H2BC3: variants seen among roughly 807,000 people sequenced by gnomAD.
H2BC3 encodes histone H2B type 1-B.
In H2BC3, 8 loss-of-function variants were observed where a neutral mutation model predicts 6.0. The ratio of observed to expected loss-of-function variants is 1.33; its 90% CI spans 0.78 to 2.40. The LOEUF (loss-of-function observed/expected upper bound fraction) is 2.40. Among genes scored for constraint, H2BC3 ranks in the 30% most tolerant of loss-of-function variants. The pLI, the probability that H2BC3 is intolerant of heterozygous loss-of-function variation, is 0.00. For missense variants in H2BC3, 222 were observed against 163.2 expected (o/e 1.36, Z -1.96); for synonymous variants, 122 against 66.2 (o/e 1.84, Z -4.09).
Position 26,043,425 on chromosome 6 carries a change from G to A in H2BC3, c.233C>T (p.Ala78Val). Residue 78 changes from alanine (A) to valine (V), a missense_variant, in exon 1 of 1, where the codon GCT becomes GTT. Coordinates refer to ENST00000615966, the MANE Select transcript of H2BC3 (RefSeq NM_021062.3). ...NDIFERIAGE[A>V]SRLAHYNKRS... ...CTTATTGTAGTGAGCCAGGCGAGAA[G>A]CCTCGCCCGCGATGCGCTCGAAGAT... 2 of 1,614,190 alleles carry A rather than the reference G, an allele frequency of 1.2e-6. No individual in the cohort carries two copies. Among genetic ancestry groups the A allele is most frequent in the Non-Finnish European group, 1.7e-6 (2 of 1,180,046 alleles).
Position 26,043,474 on chromosome 6 carries a change from T to C in H2BC3, c.184A>G (p.Ile62Val). The change falls in exon 1 of 1, where the codon ATC becomes GTC. Residue 62 changes from isoleucine to valine, a missense_variant. Coordinates refer to ENST00000615966, the MANE Select transcript of H2BC3 (RefSeq NM_021062.3). ...DTGISSKAMG[I>V]MNSFVNDIFE... ...ATGTCGTTGACGAAGGAATTCATGA[T>C]CCCCATGGCCTTGGATGAGATGCCG... The C allele has an allele frequency of 6.2e-7, 1 of 1,614,174 alleles. No homozygotes were observed. The highest frequency in any genetic ancestry group is 2.2e-5 in the East Asian group (1 of 44,860).
Position 26,043,618 on chromosome 6 carries a change from C to G in H2BC3, c.40G>C (p.Gly14Arg), listed in dbSNP as rs1180589631. ...GCCTTAGTGATAGCCTTCTTAGAAC[C>G]CTTTTTAGGGGCTGGAGCAGACTTA... The part of the protein sequence containing the change: ...PSKSAPAPKK[G>R]SKKAITKAQK... The change falls in exon 1 of 1, where the codon GGT becomes CGT. Residue 14 changes from glycine to arginine, a missense_variant. Coordinates refer to ENST00000615966, the MANE Select transcript of H2BC3 (RefSeq NM_021062.3). 6.2e-7 allele frequency: 1 copy of G among 1,612,632 alleles called. No individual in the cohort carries two copies. Among genetic ancestry groups the G allele is most frequent in the Non-Finnish European group, 8.5e-7 (1 of 1,179,358 alleles).
At position 26,043,475 on chromosome 6, in the gene H2BC3, C is replaced by A. The variant is rs748700936; in HGVS notation, c.183G>T (p.Gly61=). 1.9e-6 allele frequency: 3 copies of A among 1,614,186 alleles called. No individual in the cohort carries two copies. Among genetic ancestry groups the A allele is most frequent in the South Asian group, 1.1e-5 (1 of 91,080 alleles). The change falls in exon 1 of 1, where the codon GGG becomes GGT. Residue 61 remains glycine, a synonymous_variant. Coordinates refer to ENST00000615966, the MANE Select transcript of H2BC3 (RefSeq NM_021062.3). ...TGTCGTTGACGAAGGAATTCATGAT[C>A]CCCATGGCCTTGGATGAGATGCCGG... ...PDTGISSKAM[G]IMNSFVNDIF... is the part of the protein sequence containing the mutation.
In H2BC3 at chr6:26,043,682, A is replaced by T. The variant is rs190950786; in HGVS notation, c.-25T>A. On this transcript the variant is annotated 5_prime_UTR_variant, in exon 1 of 1. Coordinates refer to ENST00000615966, the MANE Select transcript of H2BC3 (RefSeq NM_021062.3). ...TTGCTATTCCTAAACAGAATAGAAA[A>T]GCTACTAACACTCTCCACTACAGAG... is the stretch of plus-strand genomic sequence containing the variant. The T allele has an allele frequency of 5.2e-4, 805 of 1,557,500 alleles. 4 individuals are homozygous for T. In the African/African-American group the frequency reaches 9.7e-3, roughly 19 times the overall value.
chr6:26,043,598 A>C lies in H2BC3; in HGVS notation c.60T>G (p.Thr20=). The C allele has an allele frequency of 6.2e-7, 1 of 1,613,928 alleles. No individual in the cohort carries two copies. The highest frequency in any genetic ancestry group is 8.5e-7 in the Non-Finnish European group (1 of 1,179,934). Residue 20 remains threonine, a synonymous_variant, in exon 1 of 1, where the codon ACT becomes ACG. Transcript: ENST00000615966. ...APKKGSKKAI[T]KAQKKDGKKR... ...TCTTACCATCCTTCTTCTGCGCCTT[A>C]GTGATAGCCTTCTTAGAACCCTTTT...
rs547034704 is a variant in H2BC3, at chr6:26,043,451, G to A, written c.207C>T (p.Asp69=). The part of the protein sequence containing the change: ...AMGIMNSFVN[D]IFERIAGEAS... Reference sequence around the variant, plus strand: ...CCTCGCCCGCGATGCGCTCGAAGATGTCGTTGACGAAGGAATTCATGATCC... The same window carrying A: ...CCTCGCCCGCGATGCGCTCGAAGATATCGTTGACGAAGGAATTCATGATCC... Residue 69 remains aspartate (D), a synonymous_variant, in exon 1 of 1, where the codon GAC becomes GAT. Coordinates refer to ENST00000615966, the MANE Select transcript of H2BC3 (RefSeq NM_021062.3). The A allele has an allele frequency of 1.4e-5, 23 of 1,614,206 alleles. 1 individual carries two copies. The Middle Eastern group carries it at 4.9e-4, about 35-fold the overall frequency.
rs1312314402 is a variant in H2BC3, at chr6:26,043,532, C to T, written c.126G>A (p.Val42=). 2.5e-6 allele frequency: 4 copies of T among 1,614,182 alleles called. No homozygotes were observed. Among genetic ancestry groups the T allele is most frequent in the Non-Finnish European group, 2.5e-6 (3 of 1,180,016 alleles). ...RSRKESYSIY[V]YKVLKQVHPD... is the part of the protein sequence containing the mutation. ...GGTGGACCTGCTTCAGAACCTTGTA[C>T]ACATAGATAGAATAGCTCTCCTTGC... Residue 42 remains valine (V), a synonymous_variant, in exon 1 of 1, where the codon GTG becomes GTA. Coordinates refer to ENST00000615966, the MANE Select transcript of H2BC3 (RefSeq NM_021062.3).
rs757103615 is a variant in H2BC3 at position 26,043,358 on chromosome 6, G to T, written c.300C>A (p.Arg100=). The change falls in exon 1 of 1, where the codon CGC becomes CGA. Residue 100 remains arginine (R), a synonymous_variant. Coordinates refer to ENST00000615966, the MANE Select transcript of H2BC3 (RefSeq NM_021062.3). ...TAGCCAGCTCCCCAGGCAGCAGCAG[G>T]CGCACAGCCGTCTGAATCTCCCTGG... ...ITSREIQTAV[R]LLLPGELAKH... The T allele has an allele frequency of 1.2e-6, 2 of 1,614,144 alleles. No homozygotes were observed. Among genetic ancestry groups the T allele is most frequent in the Non-Finnish European group, 1.7e-6 (2 of 1,180,024 alleles).
rs2113688889 is a variant in H2BC3, at chr6:26,043,616, A to G, written c.42T>C (p.Gly14=). ...PSKSAPAPKK[G]SKKAITKAQK... is the part of the protein sequence containing the mutation. ...GCGCCTTAGTGATAGCCTTCTTAGAACCCTTTTTAGGGGCTGGAGCAGACT... is the reference window on the plus strand; with the variant it reads ...GCGCCTTAGTGATAGCCTTCTTAGAGCCCTTTTTAGGGGCTGGAGCAGACT... The change falls in exon 1 of 1, where the codon GGT becomes GGC. Residue 14 remains glycine, a synonymous_variant. Coordinates refer to ENST00000615966, the MANE Select transcript of H2BC3 (RefSeq NM_021062.3). The G allele has an allele frequency of 1.9e-6, 3 of 1,612,542 alleles. No homozygotes were observed. Among genetic ancestry groups the G allele is most frequent in the Non-Finnish European group, 2.5e-6 (3 of 1,179,392 alleles).
Position 26,043,497 on chromosome 6 carries a change from C to T in H2BC3, c.161G>A (p.Gly54Asp). 1 of 1,614,170 alleles carries T rather than the reference C, an allele frequency of 6.2e-7. No homozygotes were observed. Reference sequence around the variant, plus strand: ...GATCCCCATGGCCTTGGATGAGATGCCGGTGTCGGGGTGGACCTGCTTCAG... The same window carrying T: ...GATCCCCATGGCCTTGGATGAGATGTCGGTGTCGGGGTGGACCTGCTTCAG... ...KVLKQVHPDT[G>D]ISSKAMGIMN... Residue 54 changes from glycine to aspartate, a missense_variant, in exon 1 of 1, where the codon GGC becomes GAC. Gly to Asp is a moderately conservative substitution (Grantham distance 94, BLOSUM62 -1). Transcript: ENST00000615966.
Position 26,043,470 on chromosome 6 carries a change from A to G in H2BC3, c.188T>C (p.Met63Thr). 6.2e-7 allele frequency: 1 copy of G among 1,614,188 alleles called. No individual in the cohort carries two copies. The highest frequency in any genetic ancestry group is 8.5e-7 in the Non-Finnish European group (1 of 1,180,048). The stretch of plus-strand genomic sequence containing the variant: ...GAAGATGTCGTTGACGAAGGAATTC[A>G]TGATCCCCATGGCCTTGGATGAGAT... Reference protein sequence around the residue: ...TGISSKAMGIMNSFVNDIFER... With the variant: ...TGISSKAMGITNSFVNDIFER... Residue 63 changes from methionine to threonine, a missense_variant, in exon 1 of 1, where the codon ATG (methionine) becomes ACG (threonine). Transcript: ENST00000615966.
In H2BC3 at chr6:26,043,673, G is replaced by T. The variant is rs199522923; in HGVS notation, c.-16C>A. On this transcript the variant is annotated 5_prime_UTR_variant, in exon 1 of 1. It adds an upstream start codon to the 5' untranslated region. Coordinates refer to ENST00000615966, the MANE Select transcript of H2BC3 (RefSeq NM_021062.3). ...GTTCAGGCATTGCTATTCCTAAACAGAATAGAAAAGCTACTAACACTCTCC... is the reference window on the plus strand; with the variant it reads ...GTTCAGGCATTGCTATTCCTAAACATAATAGAAAAGCTACTAACACTCTCC... 9.7e-5 allele frequency: 151 copies of T among 1,564,062 alleles called. 1 individual carries two copies. The highest frequency in any genetic ancestry group is 1.3e-4 in the Non-Finnish European group (146 of 1,159,000).
rs748700936 is a variant in H2BC3 at position 26,043,475 on chromosome 6, C to T, written c.183G>A (p.Gly61=). The T allele has an allele frequency of 1.9e-6, 3 of 1,614,068 alleles. No homozygotes were observed. The highest frequency in any genetic ancestry group is 1.3e-5 in the African/African-American group (1 of 74,938). ...TGTCGTTGACGAAGGAATTCATGAT[C>T]CCCATGGCCTTGGATGAGATGCCGG... ...PDTGISSKAM[G]IMNSFVNDIF... is the part of the protein sequence containing the mutation. Residue 61 remains glycine, a synonymous_variant, in exon 1 of 1, where the codon GGG becomes GGA. Coordinates refer to ENST00000615966, the MANE Select transcript of H2BC3 (RefSeq NM_021062.3).
chr6:26,043,708 TAGTACAGAGA>T, exon 1 of H2BC3: 8 of 1,515,398 alleles, frequency 5.3e-6, no homozygotes, highest in Non-Finnish European at 6.2e-6. Context: ...CACTACAGAG[TAGTACAGAGA>T]ACAGTTCAGA....
In H2BC3 at chr6:26,043,230, G is replaced by A. The variant is rs777498824; in HGVS notation, c.*47C>T. On this transcript the variant is annotated 3_prime_UTR_variant, in exon 1 of 1. Transcript: ENST00000615966. ...TATAGCTCTCCTTGTGACAAAGTAG[G>A]TGGCTCTGAAAAGAGCCTTTGGGTT... The A allele has an allele frequency of 6.6e-7, 1 of 1,504,804 alleles. No individual in the cohort carries two copies. The highest frequency in any genetic ancestry group is 8.9e-7 in the Non-Finnish European group (1 of 1,122,348). 93.2% of individuals were successfully genotyped at this position (1,504,804 alleles called of 1,614,324 possible). A position where few individuals can be genotyped will look rare whatever the true frequency, so the allele number is the denominator to read the frequency against.
Position 26,043,490 on chromosome 6 carries a change from T to C in H2BC3, c.168A>G (p.Ser56=), listed in dbSNP as rs1247693169. 1.3e-6 allele frequency: 2 copies of C among 1,598,826 alleles called. No homozygotes were observed. The highest frequency in any genetic ancestry group is 1.7e-6 in the Non-Finnish European group (2 of 1,166,622). ...LKQVHPDTGI[S]SKAMGIMNSF... Reference sequence around the variant, plus strand: ...AATTCATGATCCCCATGGCCTTGGATGAGATGCCGGTGTCGGGGTGGACCT... The same window carrying C: ...AATTCATGATCCCCATGGCCTTGGACGAGATGCCGGTGTCGGGGTGGACCT... The change falls in exon 1 of 1, where the codon TCA becomes TCG. Residue 56 remains serine, a synonymous_variant. Coordinates refer to ENST00000615966, the MANE Select transcript of H2BC3 (RefSeq NM_021062.3).
At position 26,043,417 on chromosome 6, in the gene H2BC3, G is replaced by C. The variant is rs1761664034; in HGVS notation, c.241C>G (p.Leu81Val). ...FERIAGEASR[L>V]AHYNKRSTIT... ...GTCGAGCGCTTATTGTAGTGAGCCA[G>C]GCGAGAAGCCTCGCCCGCGATGCGC... Residue 81 changes from leucine to valine, a missense_variant, in exon 1 of 1, where the codon CTG (leucine) becomes GTG (valine). Transcript: ENST00000615966. 1 of 1,614,090 alleles carries C rather than the reference G, an allele frequency of 6.2e-7. No individual in the cohort carries two copies. Among genetic ancestry groups the C allele is most frequent in the Non-Finnish European group, 8.5e-7 (1 of 1,180,052 alleles).
At position 26,043,586 on chromosome 6, in the gene H2BC3, C is replaced by A; in HGVS notation, c.72G>T (p.Lys24Asn). The A allele has an allele frequency of 6.2e-7, 1 of 1,614,180 alleles. No homozygotes were observed. The highest frequency in any genetic ancestry group is 2.2e-5 in the East Asian group (1 of 44,890). Residue 24 changes from lysine (K) to asparagine (N), a missense_variant, in exon 1 of 1, where the codon AAG (lysine) becomes AAT (asparagine). Physicochemically the swap from Lys to Asn is moderately conservative, Grantham distance 94. Coordinates refer to ENST00000615966, the MANE Select transcript of H2BC3 (RefSeq NM_021062.3). ...GSKKAITKAQ[K>N]KDGKKRKRSR... ...TGCGCTTACGCTTCTTACCATCCTTCTTCTGCGCCTTAGTGATAGCCTTCT... is the reference window on the plus strand; with the variant it reads ...TGCGCTTACGCTTCTTACCATCCTTATTCTGCGCCTTAGTGATAGCCTTCT...
In H2BC3 at chr6:26,043,312, T is replaced by C. The variant is rs1286189865; in HGVS notation, c.346A>G (p.Thr116Ala). 1.2e-6 allele frequency: 2 copies of C among 1,612,676 alleles called. No individual in the cohort carries two copies. The highest frequency in any genetic ancestry group is 8.5e-7 in the Non-Finnish European group (1 of 1,179,484). Residue 116 changes from threonine to alanine, a missense_variant, in exon 1 of 1, where the codon ACT becomes GCT. Physicochemically the swap from Thr to Ala is moderately conservative, Grantham distance 58. Transcript: ENST00000615966. ...ELAKHAVSEG[T>A]KAVTKYTSSK ...CTAGTGTACTTGGTAACTGCCTTAG[T>C]GCCCTCGGACACAGCATGCTTAGCC...
Sources: gnomAD v4.1 joint callset for allele counts on GRCh38, gnomAD v4.1.1 for gene constraint, MANE v1.5 for transcripts, NCBI Gene and HGNC (gene_info 2026-07-23, HGNC 2026-07-21) for gene names.